The following GABBR2 variants were observed in gnomAD, a reference collection of about 807,000 sequenced individuals.
GABBR2 encodes gamma-aminobutyric acid type B receptor subunit 2.
GABBR2 carries 23 observed loss-of-function variants against 105.6 expected under a neutral mutation model. The ratio of observed to expected loss-of-function variants is 0.22; its 90% CI spans 0.16 to 0.31. The LOEUF (loss-of-function observed/expected upper bound fraction) is 0.31, where lower values mean the gene tolerates loss of function less well. GABBR2 is among the 10% of genes least tolerant of loss of function. The pLI is 1.00. For synonymous variants in GABBR2, 478 were observed against 499.7 expected (o/e 0.96, Z 0.58); for missense variants, 734 against 1,245.5 (o/e 0.59, Z 6.18).
At chr9:98,589,133 A>G (rs188639230) in intron 1 of GABBR2, among the ~76,000 whole-genome samples, 1 of 152,280 alleles carries the variant, frequency 6.6e-6, no homozygotes, top group Non-Finnish European at 1.5e-5. Context: ...GTAAGACCTG[A>G]CTACAGGTGA....
intron 1 of GABBR2, among the ~76,000 whole-genome samples, chr9:98,637,905 C>A (rs1829902990): frequency 6.6e-6 from 1 of 152,174 alleles, no homozygotes; most frequent in South Asian, 2.1e-4. Context: ...AATGCACTTA[C>A]TATAGGCCAG....
At chr9:98,387,796 A>T (rs80125534) in intron 10 of GABBR2, among the ~76,000 whole-genome samples, 3 of 132,150 alleles carry the variant, frequency 2.3e-5, no homozygotes, top group East Asian at 2.0e-4. Flanking sequence ...ATTAATTAAA[A>T]TAATTAATTA....
intron 3 of GABBR2, among the ~76,000 whole-genome samples, chr9:98,498,135 G>C (rs907623689): frequency 6.6e-6 from 1 of 151,872 alleles, no homozygotes; most frequent in African/African-American, 2.4e-5. Flanking sequence ...AGACACAAAA[G>C]GACAAATATT....
chr9:98,389,063 C>G (rs950844505), intron 9 of GABBR2, 59 bp from the exon 10 acceptor site: 1 of 1,491,134 alleles, frequency 6.7e-7, no homozygotes, highest in Non-Finnish European at 9.2e-7. Context: ...CCGAGAACAC[C>G]TTTGCCTTAG....
intron 6 of GABBR2, among the ~76,000 whole-genome samples, chr9:98,455,743 G>T (rs940555529): frequency 6.6e-6 from 1 of 152,214 alleles, no homozygotes; most frequent in Admixed American, 6.5e-5. Flanking sequence ...TCTTCCGTGG[G>T]TGGAGCCCAC....
intron 1 of GABBR2, among the ~76,000 whole-genome samples, chr9:98,671,253 A>G (rs1830403487): frequency 6.6e-6 from 1 of 152,134 alleles, no homozygotes; most frequent in Admixed American, 6.5e-5. Flanking sequence ...GGAATCCCAC[A>G]GGATCTTATG....
At chr9:98,683,519 C>T (rs1830576823) in intron 1 of GABBR2, among the ~76,000 whole-genome samples, 1 of 152,184 alleles carries the variant, frequency 6.6e-6, no homozygotes, top group Non-Finnish European at 1.5e-5. Context: ...CCATAGTAAG[C>T]TCTCTACAAA....
At chr9:98,502,226 C>T (rs758387133) in intron 3 of GABBR2, among the ~76,000 whole-genome samples, 2 of 152,080 alleles carry the variant, frequency 1.3e-5, no homozygotes, top group East Asian at 1.9e-4. Context: ...ACGGATGACT[C>T]GGAAGAATCT....
In GABBR2 at chr9:98,494,788, C is replaced by T. The variant is rs145413352; in HGVS notation, c.732+1625G>A. ...CTGTTATTTTCATTATGGTTAATGT[C>T]GTTGCTACTTCTGTTGGAGTTGGCT... On this transcript the variant is annotated intron_variant, in intron 4 of 18. Transcript: ENST00000259455. 5.9e-5 allele frequency among the ~76,000 whole-genome samples: 9 copies of T among 152,294 alleles called. No individual in the cohort carries two copies. In the East Asian group the frequency reaches 1.4e-3, roughly 23 times the overall value.
intron 1 of GABBR2, among the ~76,000 whole-genome samples, chr9:98,697,339 A>G (rs1001490531): frequency 5.3e-5 from 8 of 152,146 alleles, no homozygotes; most frequent in Non-Finnish European, 1.5e-5. Flanking sequence ...AAACTACAAA[A>G]AATTAGCCGG....
chr9:98,456,124 C>T (rs551484580), intron 6 of GABBR2, among the ~76,000 whole-genome samples: 73 of 152,236 alleles, frequency 4.8e-4, no homozygotes, highest in African/African-American at 1.7e-3. Context: ...CACTCCATGC[C>T]CGCTGGCTCT....
intron 7 of GABBR2, among the ~76,000 whole-genome samples, chr9:98,418,048 G>A (rs867784744): frequency 2.2e-4 from 33 of 152,280 alleles, no homozygotes; most frequent in Middle Eastern, 3.4e-3. Context: ...CATCAGGCAG[G>A]GCTTTGGACC....
In GABBR2 at chr9:98,331,060, G is replaced by A. The variant is rs137859904; in HGVS notation, c.1894-19855C>T. 2.0e-3 allele frequency among the ~76,000 whole-genome samples: 312 copies of A among 152,196 alleles called. 1 individual carries two copies. Among genetic ancestry groups the A allele is most frequent in the Non-Finnish European group, 1.5e-3 (104 of 68,014 alleles). ...CATAATGTTTTCAAGGTTCATCAACGTTGTAGCATGCGTCAGTACTTCATT... is the reference window on the plus strand; with the variant it reads ...CATAATGTTTTCAAGGTTCATCAACATTGTAGCATGCGTCAGTACTTCATT... On this transcript the variant is annotated intron_variant, in intron 13 of 18. Transcript: ENST00000259455.
intron 4 of GABBR2, among the ~76,000 whole-genome samples, chr9:98,485,968 G>A (rs532546367): frequency 1.3e-5 from 2 of 152,288 alleles, no homozygotes; most frequent in Admixed American, 1.3e-4. Flanking sequence ...CCTGCTGAAA[G>A]TTAGGATCAG....
chr9:98,518,093 T>C (rs1028106625), intron 3 of GABBR2, among the ~76,000 whole-genome samples: 11 of 152,354 alleles, frequency 7.2e-5, no homozygotes, highest in Admixed American at 4.6e-4. Context: ...GGCTGCTTCC[T>C]GGCTTGGTTA....
chr9:98,697,021 C>T (rs1389416629), intron 1 of GABBR2, among the ~76,000 whole-genome samples: 2 of 151,986 alleles, frequency 1.3e-5, no homozygotes, highest in Admixed American at 6.6e-5. Context: ...AAAAACTTGC[C>T]GCTTGCTTTT....
intron 11 of GABBR2, among the ~76,000 whole-genome samples, chr9:98,383,358 T>C (rs1832013171): frequency 6.6e-6 from 1 of 152,114 alleles, no homozygotes; most frequent in Admixed American, 6.5e-5. Flanking sequence ...GACTTGCATC[T>C]TTTGTATTCA....
intron 1 of GABBR2, among the ~76,000 whole-genome samples, chr9:98,704,258 G>T (rs337558): frequency 1.3e-5 from 2 of 152,046 alleles, no homozygotes; most frequent in African/African-American, 2.4e-5. Context: ...AAAGATATTT[G>T]GCAAAGCCAC....
At chr9:98,604,389 T>A (rs773747784) in intron 1 of GABBR2, among the ~76,000 whole-genome samples, 12 of 152,192 alleles carry the variant, frequency 7.9e-5, no homozygotes, top group Non-Finnish European at 1.3e-4. Flanking sequence ...TCTCAGTGTC[T>A]TGGTCTCTGC....
Sources: allele counts gnomAD v4.1 joint callset (sites outside exome capture counted in the v4.1 genomes callset), GRCh38; gene constraint gnomAD v4.1.1; transcripts MANE v1.5; gene names NCBI Gene and HGNC (gene_info 2026-07-23, HGNC 2026-07-21).